The following MBOAT4 variants were observed in gnomAD, a reference collection of about 807,000 sequenced individuals.
MBOAT4 encodes membrane bound ghrelin O-acyltransferase MBOAT4.
MBOAT4 carries 11 observed loss-of-function variants against 13.2 expected under a neutral mutation model. That is an observed-to-expected ratio of 0.84 (90% CI 0.53 to 1.38). The LOEUF is 1.38. Ranked by LOEUF, MBOAT4 falls within the 40% of genes most tolerant of loss-of-function variation. The pLI, the probability that MBOAT4 is intolerant of heterozygous loss-of-function variation, is 0.00. For synonymous variants in MBOAT4, 202 were observed against 210.3 expected, an observed-to-expected ratio of 0.96 and a Z score of 0.34; for missense variants, 481 against 527.2, an observed-to-expected ratio of 0.91 and a Z score of 0.86.
In MBOAT4 at chr8:30,144,512, G is replaced by T. The variant is rs1563224167; in HGVS notation, c.90C>A (p.Cys30Ter). 2 of 1,551,104 alleles carry T rather than the reference G, an allele frequency of 1.3e-6. No homozygotes were observed. The highest frequency in any genetic ancestry group is 1.7e-6 in the Non-Finnish European group (2 of 1,146,470). The change falls in exon 1 of 3, where the codon TGC becomes TGA. Residue 30 changes from cysteine (C) to a stop codon, truncating the protein, a stop_gained. Transcript: ENST00000320542. LOFTEE classifies it high-confidence loss of function. Reference protein sequence around the residue: ...FPFALLFNYLCIMDSFSTRAR... With the variant: ...FPFALLFNYL ...CACGAGTGGAGAATGAATCCATGAT[G>T]CAGAGATAATTGAAGAGAAGTGCAA...
rs1269368204 is a variant in MBOAT4, at chr8:30,138,613, C to A, written c.263G>T (p.Cys88Phe). The A allele has an allele frequency of 6.4e-7, 1 of 1,551,676 alleles. No individual in the cohort carries two copies. Among genetic ancestry groups the A allele is most frequent in the Non-Finnish European group, 8.7e-7 (1 of 1,146,986 alleles). ...CAAGGTCTGCCAGCTCATCTGAAAG[C>A]AGAAGGTCCACCTGTGGACTTGCTG... ...APQQVHRWTF[C>F]FQMSWQTLCH... Residue 88 changes from cysteine to phenylalanine, a missense_variant, in exon 2 of 3, where the codon TGC becomes TTC. Cys to Phe is a radical substitution (Grantham distance 205, BLOSUM62 -2). Coordinates refer to ENST00000320542, the MANE Select transcript of MBOAT4 (RefSeq NM_001100916.2).
At chr8:30,138,117 CT>C (rs766997756) in intron 2 of MBOAT4, 3 of 171,402 alleles carry the variant, frequency 1.8e-5, no homozygotes, top group Non-Finnish European at 2.6e-5. Flanking sequence ...TGGCCTCCCC[CT>C]ACCCACCAAA....
rs1215772992 is a variant in MBOAT4 at position 30,137,296 on chromosome 8, A to G, written c.344+1236T>C. On this transcript the variant is annotated intron_variant, in intron 2 of 2. Transcript: ENST00000320542. ...GATGGGGCGCCTACCCTTCTTCAGC[A>G]AGATGGGAACAGCTGAGTCTGAAGG... The G allele has an allele frequency of 7.7e-6, 12 of 1,551,576 alleles. No homozygotes were observed. The African/African-American group carries it at 1.2e-4, about 16-fold the overall frequency.
chr8:30,140,310 A>G (rs1455816596), intron 1 of MBOAT4, among the ~76,000 whole-genome samples: 1 of 152,146 alleles, frequency 6.6e-6, no homozygotes, highest in Non-Finnish European at 1.5e-5. Context: ...ACAGTCTTAG[A>G]CACTGTACCT....
chr8:30,142,548 G>A (rs1585489653), intron 1 of MBOAT4, among the ~76,000 whole-genome samples: 1 of 152,092 alleles, frequency 6.6e-6, no homozygotes, highest in South Asian at 2.1e-4. Context: ...GTAGAGACAG[G>A]GATTTTGTCA....
At chr8:30,140,357 G>A (rs144397898) in intron 1 of MBOAT4, among the ~76,000 whole-genome samples, 5 of 152,238 alleles carry the variant, frequency 3.3e-5, no homozygotes, top group Admixed American at 2.0e-4. Flanking sequence ...CAAAATGCTG[G>A]GGTTACAGGC....
At chr8:30,139,878 T>G (rs1391037961) in intron 1 of MBOAT4, among the ~76,000 whole-genome samples, 1 of 152,166 alleles carries the variant, frequency 6.6e-6, no homozygotes, top group Non-Finnish European at 1.5e-5. Flanking sequence ...GAGGATCACT[T>G]GAGCCCATGA....
chr8:30,144,595 A>T lies in MBOAT4; in HGVS notation c.7T>A (p.Trp3Arg). Residue 3 changes from tryptophan (W) to arginine (R), a missense_variant, in exon 1 of 3, where the codon TGG (tryptophan) becomes AGG (arginine). Coordinates refer to ENST00000320542, the MANE Select transcript of MBOAT4 (RefSeq NM_001100916.2). MEWLWLFFLHPIS... is the reference protein window; with the variant it reads MERLWLFFLHPIS... The stretch of plus-strand genomic sequence containing the variant: ...GGATGGAGAAAGAACAGCCAAAGCC[A>T]CTCCATTAGGAACCAGAACAAAAGA... 1.3e-6 allele frequency: 2 copies of T among 1,547,100 alleles called. No homozygotes were observed. Among genetic ancestry groups the T allele is most frequent in the East Asian group, 2.4e-5 (1 of 40,846 alleles).
chr8:30,141,947 C>T (rs954683883), intron 1 of MBOAT4, among the ~76,000 whole-genome samples: 1 of 152,172 alleles, frequency 6.6e-6, no homozygotes, highest in Non-Finnish European at 1.5e-5. Context: ...GGGTGACTTC[C>T]CCCCTCAACA....
chr8:30,133,668 G>T (rs1803074882), intron 2 of MBOAT4, among the ~76,000 whole-genome samples: 1 of 151,762 alleles, frequency 6.6e-6, no homozygotes, highest in Non-Finnish European at 1.5e-5. Flanking sequence ...GGGTGCAGTG[G>T]GTCCCATCAC....
chr8:30,138,367 G>A, intron 2 of MBOAT4, 165 bp downstream of exon 2: 1 of 590,244 alleles, frequency 1.7e-6, no homozygotes, highest in Non-Finnish European at 3.0e-6. Flanking sequence ...ATCTTTTCCA[G>A]AAAAAGAAAT....
At chr8:30,135,311 G>T (rs1803117818) in intron 2 of MBOAT4, among the ~76,000 whole-genome samples, 1 of 152,152 alleles carries the variant, frequency 6.6e-6, no homozygotes, top group South Asian at 2.1e-4. Flanking sequence ...GAGGAACATT[G>T]TGGGAAATGT....
Position 30,132,197 on chromosome 8 carries a change from C to A in MBOAT4, c.1054G>T (p.Ala352Ser), listed in dbSNP as rs138619158. 214 of 1,551,772 alleles carry A rather than the reference C, an allele frequency of 1.4e-4. No individual in the cohort carries two copies. The highest frequency in any genetic ancestry group is 1.7e-4 in the Non-Finnish European group (199 of 1,147,044). Residue 352 changes from alanine to serine, a missense_variant, in exon 3 of 3, where the codon GCC becomes TCC. Ala to Ser is a moderately conservative substitution (Grantham distance 99). Coordinates refer to ENST00000320542, the MANE Select transcript of MBOAT4 (RefSeq NM_001100916.2). ...AGGTAGTCAGCTTCCACCATCACGG[C>A]CCAGCAAACGAAACCAAACACCTGT... ...PGQVFGFVCW[A>S]VMVEADYLIH...
chr8:30,132,216 C>T lies in MBOAT4; in HGVS notation c.1035G>A (p.Val345=), dbSNP rs1200529157. ...AWWHGLHPGQ[V]FGFVCWAVMV... Reference sequence around the variant, plus strand: ...TCACGGCCCAGCAAACGAAACCAAACACCTGTCCTGGATGGAGTCCATGCC... The same window carrying T: ...TCACGGCCCAGCAAACGAAACCAAATACCTGTCCTGGATGGAGTCCATGCC... The change falls in exon 3 of 3, where the codon GTG becomes GTA. Residue 345 remains valine, a synonymous_variant. Coordinates refer to ENST00000320542, the MANE Select transcript of MBOAT4 (RefSeq NM_001100916.2). 1.9e-6 allele frequency: 3 copies of T among 1,551,886 alleles called. No individual in the cohort carries two copies. Among genetic ancestry groups the T allele is most frequent in the South Asian group, 2.4e-5 (2 of 84,070 alleles).
intron 1 of MBOAT4, among the ~76,000 whole-genome samples, chr8:30,140,406 T>C (rs1803243590): frequency 6.6e-6 from 1 of 152,146 alleles, no homozygotes; most frequent in Non-Finnish European, 1.5e-5. Context: ...ATCTGGACTC[T>C]TTTTTGTCAG....
rs550713785 is a variant in MBOAT4, at chr8:30,132,035, A to G, written c.1216T>C (p.Trp406Arg). 4.5e-6 allele frequency: 7 copies of G among 1,551,904 alleles called. No homozygotes were observed. The African/African-American group carries it at 9.6e-5, about 21-fold the overall frequency. Residue 406 changes from tryptophan to arginine, a missense_variant, in exon 3 of 3, where the codon TGG becomes CGG. Physicochemically the swap from Trp to Arg is moderately radical, Grantham distance 101 (BLOSUM62 -3). Coordinates refer to ENST00000320542, the MANE Select transcript of MBOAT4 (RefSeq NM_001100916.2). ...CTGTTGTACGAATTACAGAGCAACC[A>G]GAGAGAGGAGAGACTCCTGACCTCC... ...AVEVRSLSSL[W>R]LLCNSYNSVF...
At chr8:30,139,366 T>C (rs1803222553) in intron 1 of MBOAT4, among the ~76,000 whole-genome samples, 2 of 152,082 alleles carry the variant, frequency 1.3e-5, no homozygotes, top group Middle Eastern at 3.4e-3. Context: ...GTCCTGGAAG[T>C]CTGGCTAGCA....
At chr8:30,137,696 C>G (rs1803179237) in intron 2 of MBOAT4, 3 of 583,306 alleles carry the variant, frequency 5.1e-6, no homozygotes, top group Non-Finnish European at 9.1e-6. Context: ...ATTCCCGGGA[C>G]TCATTTTGGG....
At chr8:30,138,475 C>A (rs1452490274) in intron 2 of MBOAT4, 57 bp downstream of exon 2, 10 of 1,405,394 alleles carry the variant, frequency 7.1e-6, no homozygotes, top group Middle Eastern at 1.9e-4. Flanking sequence ...TCTGCTACCA[C>A]CGTGGTGCAA....
Sources: allele counts gnomAD v4.1 joint callset (sites outside exome capture counted in the v4.1 genomes callset), GRCh38; gene constraint gnomAD v4.1.1; transcripts MANE v1.5; gene names NCBI Gene and HGNC (gene_info 2026-07-23, HGNC 2026-07-21).